The following CCSER1 variants were observed in gnomAD, a reference collection of about 807,000 sequenced individuals.
CCSER1 encodes the protein serine-rich coiled-coil domain-containing protein 1.
A neutral mutation model predicts 82.0 loss-of-function variants in CCSER1; 41 were observed. The ratio of observed to expected loss-of-function variants is 0.50; its 90% CI spans 0.39 to 0.65. The LOEUF is 0.65. Among genes scored for constraint, CCSER1 ranks in the 30% least tolerant of loss-of-function variants. The probability of loss-of-function intolerance (pLI) is 0.00; values close to 1 mark genes in which losing one functional copy is unlikely to be tolerated. For missense variants in CCSER1, 1,119 were observed against 1,064.2 expected, an observed-to-expected ratio of 1.05 and a Z score of -0.72; for synonymous variants, 414 against 383.9, an observed-to-expected ratio of 1.08 and a Z score of -0.92.
intron 8 of CCSER1, among the ~76,000 whole-genome samples, chr4:90,894,984 A>G (rs1480439187): frequency 6.6e-6 from 1 of 151,994 alleles, no homozygotes; most frequent in Non-Finnish European, 1.5e-5. Context: ...AATTATGTGT[A>G]TACACTTTTA....
intron 1 of CCSER1, among the ~76,000 whole-genome samples, chr4:90,264,436 AT>A (rs895393886): frequency 5.3e-5 from 8 of 152,314 alleles, no homozygotes; most frequent in African/African-American, 1.9e-4. Flanking sequence ...TTCATTGGCT[AT>A]TAACTTTATA....
chr4:91,158,692 C>T (rs56788827), intron 10 of CCSER1, among the ~76,000 whole-genome samples: 11 of 151,932 alleles, frequency 7.2e-5, no homozygotes, highest in African/African-American at 2.2e-4. Flanking sequence ...CGCACATGCA[C>T]GCACACACAC....
intron 10 of CCSER1, among the ~76,000 whole-genome samples, chr4:91,205,846 A>T (rs1736300440): frequency 6.6e-6 from 1 of 151,886 alleles, no homozygotes; most frequent in Admixed American, 6.6e-5. Context: ...TAAATAACAA[A>T]TATTTATTGA....
At chr4:90,402,889 T>G (rs1001010314) in intron 4 of CCSER1, among the ~76,000 whole-genome samples, 1 of 152,182 alleles carries the variant, frequency 6.6e-6, no homozygotes, top group Non-Finnish European at 1.5e-5. Flanking sequence ...TACTTTAAGG[T>G]GTAGGTTGCT....
At chr4:91,178,349 C>T (rs1261618496) in intron 10 of CCSER1, among the ~76,000 whole-genome samples, 9 of 152,052 alleles carry the variant, frequency 5.9e-5, no homozygotes. Context: ...GAGCTGAGTT[C>T]AATTCCTGGA....
At chr4:91,102,793 G>T (rs1190693675) in intron 10 of CCSER1, among the ~76,000 whole-genome samples, 9 of 152,152 alleles carry the variant, frequency 5.9e-5, no homozygotes, top group Non-Finnish European at 1.3e-4. Context: ...TACTACTCCA[G>T]ATGGTTGAAC....
At chr4:91,507,961 A>AAT (rs1759592198) in intron 10 of CCSER1, among the ~76,000 whole-genome samples, 1 of 149,480 alleles carries the variant, frequency 6.7e-6, no homozygotes, top group South Asian at 2.1e-4. Flanking sequence ...TATTAGTTCT[A>AAT]ATAAGCTCTT....
intron 10 of CCSER1, among the ~76,000 whole-genome samples, chr4:91,209,458 T>G (rs534112323): frequency 7.9e-5 from 12 of 152,106 alleles, no homozygotes; most frequent in African/African-American, 2.9e-4. Flanking sequence ...TTCCTGCATT[T>G]ATTGAGATAA....
chr4:90,606,390 C>T (rs1784709120), intron 5 of CCSER1, among the ~76,000 whole-genome samples: 2 of 152,152 alleles, frequency 1.3e-5, no homozygotes, highest in South Asian at 4.1e-4. Context: ...CCTAAACATC[C>T]CTAGACATAG....
intron 4 of CCSER1, among the ~76,000 whole-genome samples, chr4:90,464,441 A>G (rs1404244751): frequency 1.3e-5 from 2 of 152,192 alleles, no homozygotes; most frequent in East Asian, 3.8e-4. Flanking sequence ...AATGACTTCT[A>G]CTAGGTACAG....
At chr4:91,593,910 T>TTGCATTTGATGAAATA (rs1764393229) in intron 10 of CCSER1, among the ~76,000 whole-genome samples, 1 of 152,184 alleles carries the variant, frequency 6.6e-6, no homozygotes, top group East Asian at 1.9e-4. Context: ...TAGTATTTTC[T>TTGCATTTGATGAAATA]TGCATTTGAT....
intron 10 of CCSER1, among the ~76,000 whole-genome samples, chr4:91,176,356 T>G (rs902834224): frequency 6.6e-6 from 1 of 152,234 alleles, no homozygotes; most frequent in Non-Finnish European, 1.5e-5. Context: ...TCCAATTCTG[T>G]GAAGAAAGTC....
rs1471967988 is a variant in CCSER1, at chr4:91,601,457, A to C, written c.*2400A>C. The C allele has an allele frequency of 2.0e-5, 3 of 152,070 alleles. No individual in the cohort carries two copies. In the East Asian group the frequency reaches 5.8e-4, roughly 29 times the overall value. 9.4% of individuals were successfully genotyped at this position (152,070 alleles called of 1,614,324 possible). ...TCAGGCCTGGAGAAGGTGTAAGCCC[A>C]CTATGCTAATGTACATCAGTAACTG... On this transcript the variant is annotated 3_prime_UTR_variant, in exon 11 of 11. Coordinates refer to ENST00000509176, the MANE Select transcript of CCSER1 (RefSeq NM_001145065.2).
At chr4:90,490,429 G>A (rs968711603) in intron 5 of CCSER1, among the ~76,000 whole-genome samples, 1 of 152,058 alleles carries the variant, frequency 6.6e-6, no homozygotes, top group Non-Finnish European at 1.5e-5. Context: ...TTAGCCCTTT[G>A]TGAGATGAGT....
chr4:90,818,015 C>G (rs922913250), intron 8 of CCSER1, among the ~76,000 whole-genome samples: 1 of 152,074 alleles, frequency 6.6e-6, no homozygotes, highest in Admixed American at 6.5e-5. Flanking sequence ...AGAACTGATT[C>G]AGTTTTCTAT....
intron 3 of CCSER1, among the ~76,000 whole-genome samples, chr4:90,378,960 C>G (rs1748789017): frequency 6.6e-6 from 1 of 152,108 alleles, no homozygotes; most frequent in Admixed American, 6.6e-5. Context: ...CACACATCTA[C>G]CTAGTCTCTT....
At chr4:91,008,286 G>C (rs1332885107) in intron 9 of CCSER1, among the ~76,000 whole-genome samples, 1 of 152,014 alleles carries the variant, frequency 6.6e-6, no homozygotes, top group Non-Finnish European at 1.5e-5. Context: ...TTAATTTTCT[G>C]TCTGGTTGAC....
chr4:90,994,520 A>G (rs529824593), intron 9 of CCSER1, among the ~76,000 whole-genome samples: 1 of 152,210 alleles, frequency 6.6e-6, no homozygotes, highest in South Asian at 2.1e-4. Context: ...AAGTTGAACC[A>G]TCATAAATTG....
Position 90,234,966 on chromosome 4 carries a change from A to T in CCSER1, c.-41-73278A>T, listed in dbSNP as rs375874010. ...CTGCTCTCAGTCACTGGGAGACGAA[A>T]GTGCTGCTGGTTAGCACAGAAGAAA... On this transcript the variant is annotated intron_variant, in intron 1 of 10. Transcript: ENST00000509176. The T allele has an allele frequency of 3.3e-5, 5 of 152,242 alleles. No individual in the cohort carries two copies. The East Asian group carries it at 9.7e-4, about 29-fold the overall frequency. 9.4% of individuals were successfully genotyped at this position (152,242 alleles called of 1,614,324 possible). A position where few individuals can be genotyped will look rare whatever the true frequency, so the allele number is the denominator to read the frequency against.
Sources: gnomAD v4.1 joint callset for allele counts (sites outside exome capture counted in the v4.1 genomes callset) on GRCh38, gnomAD v4.1.1 for gene constraint, MANE v1.5 for transcripts, NCBI Gene and HGNC (gene_info 2026-07-23, HGNC 2026-07-21) for gene names.